The following RC3H1 variants were observed in gnomAD, a reference collection of about 807,000 sequenced individuals.
RC3H1 encodes the protein roquin-1.
RC3H1 carries 50 observed loss-of-function variants against 138.2 expected under a neutral mutation model. That is an observed-to-expected ratio of 0.36 (90% CI 0.29 to 0.46). RC3H1 has a LOEUF of 0.46. Ranked by LOEUF, RC3H1 falls within the 20% of genes least tolerant of loss-of-function variation. The pLI is 1.00. For synonymous variants in RC3H1, 462 were observed against 489.1 expected, an observed-to-expected ratio of 0.94 and a Z score of 0.73; for missense variants, 1,031 against 1,388.1, an observed-to-expected ratio of 0.74 and a Z score of 4.09.
intron 1 of RC3H1, among the ~76,000 whole-genome samples, chr1:173,994,144 C>T (rs560070766): frequency 1.3e-5 from 2 of 151,552 alleles, no homozygotes; most frequent in African/African-American, 2.4e-5. Context: ...GTAATCCCAG[C>T]GCTTTGGGAG....
intron 9 of RC3H1, among the ~76,000 whole-genome samples, chr1:173,968,147 G>T (rs74126481): frequency 0.033 from 4,988 of 152,042 alleles, 100 homozygotes; most frequent in Middle Eastern, 0.095. Flanking sequence ...CTATTCCTAC[G>T]CAAAAGACTA....
At chr1:173,988,567 C>T (rs1391914104) in intron 2 of RC3H1, among the ~76,000 whole-genome samples, 1 of 152,154 alleles carries the variant, frequency 6.6e-6, no homozygotes, top group African/African-American at 2.4e-5. Flanking sequence ...TCTGTGTAGA[C>T]ATAAATTTTC....
rs779088617 is a variant in RC3H1, at chr1:173,993,011, C to T, written c.-26G>A. The T allele has an allele frequency of 6.9e-7, 1 of 1,442,880 alleles. No homozygotes were observed. The highest frequency in any genetic ancestry group is 9.8e-7 in the Non-Finnish European group (1 of 1,024,848). 89.4% of individuals were successfully genotyped at this position (1,442,880 alleles called of 1,614,324 possible). ...TGCTTCTGGAGTTACAATTCACGAA[C>T]ACAAACACACACACAAATCTAAAGC... On this transcript the variant is annotated 5_prime_UTR_variant, in exon 2 of 20. Coordinates refer to ENST00000367696, the MANE Select transcript of RC3H1 (RefSeq NM_172071.4).
In RC3H1 at chr1:173,933,584, G is replaced by T. The variant is rs1658469518; in HGVS notation, c.*5137C>A. The T allele has an allele frequency of 6.6e-6, 1 of 152,074 alleles. No homozygotes were observed. Among genetic ancestry groups the T allele is most frequent in the African/African-American group, 2.4e-5 (1 of 41,428 alleles). 9.4% of individuals were successfully genotyped at this position (152,074 alleles called of 1,614,324 possible). A position where few individuals can be genotyped will look rare whatever the true frequency, so the allele number is the denominator to read the frequency against. ...CAAAAACAGCTTTCTTCTTGAAGTG[G>T]CTCAGAAAAGCTAAATTGAGAAAAT... On this transcript the variant is annotated 3_prime_UTR_variant, in exon 20 of 20. Transcript: ENST00000367696.
chr1:173,959,252 T>C (rs1200509908), intron 13 of RC3H1, among the ~76,000 whole-genome samples: 1 of 152,144 alleles, frequency 6.6e-6, no homozygotes, highest in African/African-American at 2.4e-5. Context: ...TTAGCAAGCC[T>C]GCTGAATAGA....
chr1:173,960,499 T>C (rs762547649), intron 13 of RC3H1, among the ~76,000 whole-genome samples: 8 of 152,214 alleles, frequency 5.3e-5, no homozygotes, highest in South Asian at 4.1e-4. Context: ...TTGATGACTA[T>C]AGTACATCTG....
intron 7 of RC3H1, among the ~76,000 whole-genome samples, chr1:173,977,779 T>C (rs1660649501): frequency 6.6e-6 from 1 of 152,110 alleles, no homozygotes; most frequent in Admixed American, 6.5e-5. Context: ...AAGACAGAAG[T>C]AGCACTCAGG....
Position 173,964,072 on chromosome 1 carries a change from G to A in RC3H1, c.1732C>T (p.Pro578Ser). ...GCTGGATATAACTGAGAACCTCGAG[G>A]TACCATCTGAAGTGGTTTGGTAACA... ...MPVTKPLQMV[P>S]RGSQLYPAQQ... Residue 578 changes from proline (P) to serine (S), a missense_variant, in exon 11 of 20, where the codon CCT becomes TCT. This residue lies in a region of RC3H1 where 716 missense variants were observed against 837.9 expected (regional missense o/e 0.85). Transcript: ENST00000367696. 6.2e-7 allele frequency: 1 copy of A among 1,614,074 alleles called. No individual in the cohort carries two copies. Among genetic ancestry groups the A allele is most frequent in the Non-Finnish European group, 8.5e-7 (1 of 1,179,962 alleles).
At chr1:174,020,384 G>T (rs1661935553) in intron 1 of RC3H1, among the ~76,000 whole-genome samples, 3 of 152,250 alleles carry the variant, frequency 2.0e-5, no homozygotes, top group Non-Finnish European at 4.4e-5. Flanking sequence ...AATCTATTCA[G>T]TGTCAATTGT....
chr1:173,944,518 T>C (rs148205948), intron 17 of RC3H1, among the ~76,000 whole-genome samples: 149 of 152,290 alleles, frequency 9.8e-4, no homozygotes, highest in Middle Eastern at 6.8e-3. Context: ...GTATACCACA[T>C]GTAACAAACC....
chr1:173,988,467 T>C (rs1025427846), intron 2 of RC3H1, among the ~76,000 whole-genome samples: 2 of 152,252 alleles, frequency 1.3e-5, no homozygotes, highest in East Asian at 3.8e-4. Flanking sequence ...TATACCACTG[T>C]TTATCCATTC....
At chr1:173,942,472 TA>T (rs1181119392) in intron 18 of RC3H1, among the ~76,000 whole-genome samples, 1 of 107,120 alleles carries the variant, frequency 9.3e-6, no homozygotes. Flanking sequence ...CAAAGTACAA[TA>T]AATATCTTTA....
intron 1 of RC3H1, among the ~76,000 whole-genome samples, chr1:173,997,319 T>C (rs908684471): frequency 4.7e-4 from 72 of 152,222 alleles, no homozygotes; most frequent in African/African-American, 1.7e-3. Flanking sequence ...TACAAATAAA[T>C]TGAAAGAGTA....
Position 173,935,155 on chromosome 1 carries a change from G to A in RC3H1, c.*3566C>T, listed in dbSNP as rs909009285. ...TTCTTTTAATTAGAAAAGTAATAAG[G>A]AATGGATCTTTGGTCACTTCAGCCT... On this transcript the variant is annotated 3_prime_UTR_variant, in exon 20 of 20. Coordinates refer to ENST00000367696, the MANE Select transcript of RC3H1 (RefSeq NM_172071.4). 12 of 152,080 alleles carry A rather than the reference G, an allele frequency of 7.9e-5. No homozygotes were observed. Among genetic ancestry groups the A allele is most frequent in the African/African-American group, 2.9e-4 (12 of 41,428 alleles). 9.4% of individuals were successfully genotyped at this position (152,080 alleles called of 1,614,324 possible). A position where few individuals can be genotyped will look rare whatever the true frequency, so the allele number is the denominator to read the frequency against.
intron 14 of RC3H1, 102 bp downstream of exon 14, chr1:173,951,884 C>G: frequency 8.8e-7 from 1 of 1,136,670 alleles, no homozygotes; most frequent in Non-Finnish European, 1.2e-6. Flanking sequence ...TGGTCTGAAA[C>G]TCTTAAGCAA....
In RC3H1 at chr1:173,992,383, A is replaced by T. The variant is rs189893085; in HGVS notation, c.231+372T>A. ...GCCGGTCTCAAACACCTGACCTCAA[A>T]TGATCCACCCGCCTTGGCCCTCCCA... On this transcript the variant is annotated intron_variant, in intron 2 of 19. Coordinates refer to ENST00000367696, the MANE Select transcript of RC3H1 (RefSeq NM_172071.4). Among the ~76,000 whole-genome samples the T allele has an allele frequency of 2.0e-3, 310 of 152,172 alleles. 1 individual carries two copies. Among genetic ancestry groups the T allele is most frequent in the African/African-American group, 6.7e-3 (280 of 41,532 alleles).
In RC3H1 at chr1:173,932,299, T is replaced by G. The variant is rs1351233374; in HGVS notation, c.*6422A>C. 1 of 151,840 alleles carries G rather than the reference T, an allele frequency of 6.6e-6. No individual in the cohort carries two copies. Among genetic ancestry groups the G allele is most frequent in the Non-Finnish European group, 1.5e-5 (1 of 67,924 alleles). 9.4% of individuals were successfully genotyped at this position (151,840 alleles called of 1,614,324 possible). On this transcript the variant is annotated 3_prime_UTR_variant, in exon 20 of 20. Coordinates refer to ENST00000367696, the MANE Select transcript of RC3H1 (RefSeq NM_172071.4). ...AAGGTGATAATGACTGCAGAATGTC[T>G]CGGGGAGACTGATATGAGCCTAAAG...
chr1:173,943,333 C>A, intron 18 of RC3H1, 109 bp downstream of exon 18: 1 of 980,846 alleles, frequency 1.0e-6, no homozygotes, highest in Non-Finnish European at 1.5e-6. Context: ...TAAATATTAA[C>A]CACTCATCAG....
intron 1 of RC3H1, among the ~76,000 whole-genome samples, chr1:173,998,028 T>C (rs1299025797): frequency 6.6e-6 from 1 of 152,190 alleles, no homozygotes; most frequent in Non-Finnish European, 1.5e-5. Flanking sequence ...CATGATTTAC[T>C]AAATACAATA....
Sources: gnomAD v4.1 joint callset for allele counts (sites outside exome capture counted in the v4.1 genomes callset) on GRCh38, gnomAD v4.1.1 for gene constraint, gnomAD v4.1.1 regional missense constraint, MANE v1.5 for transcripts, NCBI Gene and HGNC (gene_info 2026-07-23, HGNC 2026-07-21) for gene names.